LPAR3: variants seen among roughly 807,000 people sequenced by gnomAD.
The protein encoded by LPAR3 is lysophosphatidic acid receptor 3, also known as LPA receptor 3.
LPAR3 carries 7 observed loss-of-function variants against 17.8 expected under a neutral mutation model. The observed-to-expected ratio is 0.39, with a 90% confidence interval of 0.22 to 0.74. The LOEUF (loss-of-function observed/expected upper bound fraction) is 0.74. Ranked by LOEUF, LPAR3 falls within the 30% of genes least tolerant of loss-of-function variation. The pLI is 0.40. For synonymous variants in LPAR3, 179 were observed against 179.9 expected (o/e 0.99, Z 0.04); for missense variants, 391 against 453.4 (o/e 0.86, Z 1.25).
intron 2 of LPAR3, among the ~76,000 whole-genome samples, chr1:84,829,690 G>A (rs1402086364): frequency 3.3e-5 from 5 of 151,948 alleles, no homozygotes; most frequent in African/African-American, 4.8e-5. Context: ...CTATAATGAC[G>A]AAAATATGCA....
chr1:84,858,218 A>ATGCC (rs1659865648), intron 2 of LPAR3, among the ~76,000 whole-genome samples: 1 of 152,176 alleles, frequency 6.6e-6, no homozygotes, highest in Admixed American at 6.5e-5. Flanking sequence ...ATGGTGGTTC[A>ATGCC]TGCCTGCAAT....
chr1:84,826,152 T>C (rs543486778), intron 2 of LPAR3, among the ~76,000 whole-genome samples: 3 of 150,710 alleles, frequency 2.0e-5, no homozygotes, highest in South Asian at 4.2e-4. Flanking sequence ...AATAGCAACA[T>C]ATAATATATA....
intron 1 of LPAR3, among the ~76,000 whole-genome samples, chr1:84,879,316 C>CTTTTTTCTTTTTTT (rs1553149965): frequency 5.8e-5 from 7 of 120,602 alleles, no homozygotes; most frequent in East Asian, 2.1e-4. Flanking sequence ...TTTCTTTTTT[C>CTTTTTTCTTTTTTT]TTTTTTTTTT....
intron 2 of LPAR3, among the ~76,000 whole-genome samples, chr1:84,859,010 G>A (rs977313035): frequency 2.0e-5 from 3 of 152,218 alleles, no homozygotes; most frequent in Non-Finnish European, 4.4e-5. Flanking sequence ...AAGGCTTAAA[G>A]AGACAAAATG....
intron 2 of LPAR3, among the ~76,000 whole-genome samples, chr1:84,825,749 T>C (rs1277117264): frequency 6.6e-6 from 1 of 152,228 alleles, no homozygotes; most frequent in Non-Finnish European, 1.5e-5. Flanking sequence ...CTGAGGTTCC[T>C]ATCTCAAACA....
At position 84,813,890 on chromosome 1, in the gene LPAR3, C is replaced by T. The variant is rs1658872628; in HGVS notation, c.1018G>A (p.Asp340Asn). Residue 340 changes from aspartate to asparagine, a missense_variant, in exon 3 of 3, where the codon GAT becomes AAT. Asp to Asn is a conservative substitution (Grantham distance 23, BLOSUM62 1). Transcript: ENST00000370611. ...CAGACTGCACCTTGGCTAATACTATCCTCTATGTACTGGCTGCCTGTGTCA... is the reference window on the plus strand; with the variant it reads ...CAGACTGCACCTTGGCTAATACTATTCTCTATGTACTGGCTGCCTGTGTCA... ...RSDTGSQYIE[D>N]SISQGAVCNK... The T allele has an allele frequency of 3.1e-6, 5 of 1,614,028 alleles. No individual in the cohort carries two copies. The highest frequency in any genetic ancestry group is 1.1e-5 in the South Asian group (1 of 91,082).
At chr1:84,880,993 C>G (rs1448859180) in intron 1 of LPAR3, among the ~76,000 whole-genome samples, 1 of 152,168 alleles carries the variant, frequency 6.6e-6, no homozygotes, top group Non-Finnish European at 1.5e-5. Context: ...TTTTTAGGCC[C>G]CTGTTACTTG....
chr1:84,871,599 C>T (rs1421899743), intron 1 of LPAR3, among the ~76,000 whole-genome samples: 2 of 152,146 alleles, frequency 1.3e-5, no homozygotes, highest in African/African-American at 4.8e-5. Flanking sequence ...AAACTCTATC[C>T]AGATGGGAGT....
intron 2 of LPAR3, among the ~76,000 whole-genome samples, chr1:84,833,184 A>T (rs1199192440): frequency 6.6e-6 from 1 of 152,198 alleles, no homozygotes; most frequent in East Asian, 1.9e-4. Flanking sequence ...ATGACACTCA[A>T]ATAACAAAAA....
chr1:84,827,625 G>C (rs1426128725), intron 2 of LPAR3, among the ~76,000 whole-genome samples: 1 of 152,092 alleles, frequency 6.6e-6, no homozygotes, highest in Non-Finnish European at 1.5e-5. Flanking sequence ...AGCCATACCC[G>C]TGGTCCCTGT....
chr1:84,865,838 T>C lies in LPAR3; in HGVS notation c.283A>G (p.Lys95Glu), dbSNP rs1395808657. The change falls in exon 2 of 3, where the codon AAA becomes GAA. Residue 95 changes from lysine (K) to glutamate (E), a missense_variant. Physicochemically the swap from Lys to Glu is moderately conservative, Grantham distance 56 (BLOSUM62 1). Coordinates refer to ENST00000370611, the MANE Select transcript of LPAR3 (RefSeq NM_012152.3). ...AACCAGCGGTTGACAGTCAAAGTTT[T>C]TGAAACTGGGCCTGTGTTAAACATC... ...FLMFNTGPVS[K>E]TLTVNRWFLR... 15 of 1,614,200 alleles carry C rather than the reference T, an allele frequency of 9.3e-6. No homozygotes were observed. Among genetic ancestry groups the C allele is most frequent in the Non-Finnish European group, 1.3e-5 (15 of 1,180,034 alleles).
intron 2 of LPAR3, among the ~76,000 whole-genome samples, chr1:84,833,694 T>A (rs1290988792): frequency 6.6e-6 from 1 of 152,202 alleles, no homozygotes; most frequent in Admixed American, 6.5e-5. Flanking sequence ...GTATTTAACC[T>A]GTTAGCCCAC....
intron 1 of LPAR3, among the ~76,000 whole-genome samples, chr1:84,874,174 A>G (rs1660211953): frequency 6.6e-6 from 1 of 152,216 alleles, no homozygotes; most frequent in Non-Finnish European, 1.5e-5. Flanking sequence ...AGCCACAGAG[A>G]GGCAAGCGTA....
rs568334596 is a variant in LPAR3 at position 84,873,941 on chromosome 1, C to T, written c.-18-7803G>A. Among the ~76,000 whole-genome samples, 323 of 152,144 alleles carry T rather than the reference C, an allele frequency of 2.1e-3. 1 individual carries two copies. Among genetic ancestry groups the T allele is most frequent in the Admixed American group, 4.6e-3 (71 of 15,280 alleles). Reference sequence around the variant, plus strand: ...CTAATTCTTGTATTATTAGTAGAGACGGGGTTTCACGGTGTTGGCCAGACT... The same window carrying T: ...CTAATTCTTGTATTATTAGTAGAGATGGGGTTTCACGGTGTTGGCCAGACT... On this transcript the variant is annotated intron_variant, in intron 1 of 2. Coordinates refer to ENST00000370611, the MANE Select transcript of LPAR3 (RefSeq NM_012152.3).
chr1:84,835,339 A>AC (rs2102751627), intron 2 of LPAR3, among the ~76,000 whole-genome samples: 1 of 152,248 alleles, frequency 6.6e-6, no homozygotes, highest in East Asian at 1.9e-4. Context: ...GATGTAATCT[A>AC]CCCCACAGCA....
At chr1:84,892,212 CAAAA>C (rs945298062) in intron 1 of LPAR3, among the ~76,000 whole-genome samples, 3 of 119,350 alleles carry the variant, frequency 2.5e-5, no homozygotes, top group African/African-American at 9.8e-5. Flanking sequence ...GACTGTGTCT[CAAAA>C]ATAAATAAAT....
At chr1:84,836,329 T>G (rs1234256031) in intron 2 of LPAR3, among the ~76,000 whole-genome samples, 1 of 115,092 alleles carries the variant, frequency 8.7e-6, no homozygotes, top group Admixed American at 9.8e-5. Context: ...TACAATGAGA[T>G]CCTGTCTTTA....
At chr1:84,850,393 CAAAAAAAAAAA>C (rs561506398) in intron 2 of LPAR3, among the ~76,000 whole-genome samples, 8 of 38,746 alleles carry the variant, frequency 2.1e-4, no homozygotes, top group South Asian at 1.0e-3. Context: ...TCTGTCTCTA[CAAAAAAAAAAA>C]AAAAAAAAAA....
intron 2 of LPAR3, among the ~76,000 whole-genome samples, chr1:84,820,749 T>A (rs1659036423): frequency 6.6e-6 from 1 of 152,148 alleles, no homozygotes; most frequent in African/African-American, 2.4e-5. Context: ...TGAACTAACT[T>A]CTCTTCTAAG....
Sources: gnomAD v4.1 joint callset for allele counts (sites outside exome capture counted in the v4.1 genomes callset) on GRCh38, gnomAD v4.1.1 for gene constraint, MANE v1.5 for transcripts, NCBI Gene and HGNC (gene_info 2026-07-23, HGNC 2026-07-21) for gene names.